The following PSMD9 variants were observed in gnomAD, a reference collection of about 807,000 sequenced individuals.
PSMD9 encodes the protein proteasome 26S subunit, non-ATPase 9, also known as 26S proteasome non-ATPase regulatory subunit 9.
In PSMD9, 26 loss-of-function variants were observed where a neutral mutation model predicts 25.9. The observed-to-expected ratio is 1.00, with a 90% CI of 0.73 to 1.39. The LOEUF (loss-of-function observed/expected upper bound fraction) is 1.39. Ranked by LOEUF, PSMD9 falls within the 40% of genes most tolerant of loss-of-function variation. The pLI is 0.00. For synonymous variants in PSMD9, 110 were observed against 114.5 expected, an observed-to-expected ratio of 0.96 and a Z score of 0.25; for missense variants, 303 against 299.3, an observed-to-expected ratio of 1.01 and a Z score of -0.09.
chr12:121,892,844 T>A (rs1379398726), intron 1 of PSMD9, among the ~76,000 whole-genome samples: 1 of 152,128 alleles, frequency 6.6e-6, no homozygotes, highest in Non-Finnish European at 1.5e-5. Flanking sequence ...CTGCACCCGA[T>A]CCTGGGCAAC....
intron 4 of PSMD9, among the ~76,000 whole-genome samples, chr12:121,906,648 CAAAA>C (rs11289150): frequency 7.0e-6 from 1 of 142,078 alleles, no homozygotes. Flanking sequence ...ACTAAAAATA[CAAAA>C]AAAAAAAAAA....
chr12:121,893,201 G>A (rs1266903620), intron 1 of PSMD9, among the ~76,000 whole-genome samples: 1 of 152,218 alleles, frequency 6.6e-6, no homozygotes, highest in African/African-American at 2.4e-5. Context: ...ACCACTGTGG[G>A]AAGGCAGGAG....
intron 3 of PSMD9, among the ~76,000 whole-genome samples, chr12:121,901,198 C>T (rs1879385839): frequency 6.6e-6 from 1 of 152,074 alleles, no homozygotes; most frequent in South Asian, 2.1e-4. Context: ...TCCCAATCCC[C>T]CAGCTCCCCG....
chr12:121,912,944 T>C lies in PSMD9; in HGVS notation c.556-2912T>C, dbSNP rs187624488. 1.3e-3 allele frequency among the ~76,000 whole-genome samples: 197 copies of C among 149,862 alleles called. 2 individuals carry two copies. The highest frequency in any genetic ancestry group is 1.0e-2 in the Admixed American group (151 of 15,124). Reference sequence around the variant, plus strand: ...TGCTCATTTTCTTTTCTTTTCTTTTTTTTTTTTTTTGAGACGGAGTCTCGC... The same window carrying C: ...TGCTCATTTTCTTTTCTTTTCTTTTCTTTTTTTTTTGAGACGGAGTCTCGC... On this transcript the variant is annotated intron_variant, in intron 4 of 5. Coordinates refer to ENST00000541212, the MANE Select transcript of PSMD9 (RefSeq NM_002813.7).
At chr12:121,891,686 G>A (rs888714714) in intron 1 of PSMD9, among the ~76,000 whole-genome samples, 16 of 149,200 alleles carry the variant, frequency 1.1e-4, no homozygotes, top group Non-Finnish European at 2.2e-4. Context: ...TGTGTGGATC[G>A]CTTGAGGTCA....
intron 1 of PSMD9, among the ~76,000 whole-genome samples, chr12:121,893,325 C>T (rs955497473): frequency 3.9e-5 from 6 of 152,162 alleles, no homozygotes; most frequent in Non-Finnish European, 8.8e-5. Flanking sequence ...TGGGTGTAAC[C>T]CGGAGGCTTC....
At chr12:121,907,219 G>A (rs1168971740) in intron 4 of PSMD9, among the ~76,000 whole-genome samples, 3 of 150,994 alleles carry the variant, frequency 2.0e-5, no homozygotes, top group Non-Finnish European at 2.9e-5. Flanking sequence ...ACAGGCACCC[G>A]CCACCACGCC....
Position 121,888,804 on chromosome 12 carries a change from C to A in PSMD9, c.-53C>A. 6.4e-7 allele frequency: 1 copy of A among 1,563,710 alleles called. No homozygotes were observed. Among genetic ancestry groups the A allele is most frequent in the Non-Finnish European group, 8.7e-7 (1 of 1,155,046 alleles). ...GAGCCGTAGTTACGGTCGACTGGGG[C>A]GTCGTCCCTAGCCCGGGAGCCGGGT... On this transcript the variant is annotated 5_prime_UTR_variant, in exon 1 of 6. Coordinates refer to ENST00000541212, the MANE Select transcript of PSMD9 (RefSeq NM_002813.7).
In PSMD9 at chr12:121,888,825, C is replaced by T. The variant is rs773746048; in HGVS notation, c.-32C>T. On this transcript the variant is annotated 5_prime_UTR_variant, in exon 1 of 6. Coordinates refer to ENST00000541212, the MANE Select transcript of PSMD9 (RefSeq NM_002813.7). ...GGGGCGTCGTCCCTAGCCCGGGAGC[C>T]GGGTCTCTGGAGTCGCGGCCCGGGG... is the stretch of plus-strand genomic sequence containing the variant. 24 of 1,589,538 alleles carry T rather than the reference C, an allele frequency of 1.5e-5. No individual in the cohort carries two copies. Among genetic ancestry groups the T allele is most frequent in the East Asian group, 2.3e-5 (1 of 43,950 alleles).
intron 1 of PSMD9, 96 bp downstream of exon 1, chr12:121,889,090 A>G: frequency 6.8e-7 from 1 of 1,465,116 alleles, no homozygotes. Flanking sequence ...GGCGCTCCGC[A>G]ACGGATCTCC....
chr12:121,894,704 C>T (rs751692213), intron 1 of PSMD9, 35 bp from the exon 2 acceptor site: 2 of 1,572,858 alleles, frequency 1.3e-6, no homozygotes. Context: ...ACATTACACC[C>T]ATGAGCACCT....
chr12:121,890,186 G>T (rs906835971), intron 1 of PSMD9, among the ~76,000 whole-genome samples: 1 of 152,130 alleles, frequency 6.6e-6, no homozygotes, highest in Non-Finnish European at 1.5e-5. Context: ...CCAAGTGCTG[G>T]GATTACAGGC....
intron 1 of PSMD9, among the ~76,000 whole-genome samples, chr12:121,893,544 A>C (rs1021450012): frequency 1.3e-5 from 2 of 152,218 alleles, no homozygotes; most frequent in Non-Finnish European, 2.9e-5. Context: ...GTCTGAAATC[A>C]AGGTGTCAGC....
intron 2 of PSMD9, among the ~76,000 whole-genome samples, chr12:121,895,547 C>T (rs1415752500): frequency 6.6e-6 from 1 of 152,132 alleles, no homozygotes; most frequent in East Asian, 1.9e-4. Flanking sequence ...AGGGCTGGCT[C>T]CTTCTGGAGG....
At chr12:121,890,272 T>C (rs1879028820) in intron 1 of PSMD9, among the ~76,000 whole-genome samples, 1 of 152,132 alleles carries the variant, frequency 6.6e-6, no homozygotes. Context: ...GTGCTGACTA[T>C]ATGCTCAAAG....
intron 1 of PSMD9, among the ~76,000 whole-genome samples, chr12:121,892,876 A>G (rs1171413566): frequency 6.6e-6 from 1 of 152,144 alleles, no homozygotes; most frequent in South Asian, 2.1e-4. Context: ...TCTCAAACCA[A>G]TACAAACACA....
At chr12:121,894,898 A>G in intron 2 of PSMD9, 57 bp downstream of exon 2, 3 of 1,439,768 alleles carry the variant, frequency 2.1e-6, no homozygotes, top group Non-Finnish European at 2.9e-6. Flanking sequence ...TGTTAAAGGC[A>G]TACAAATAAA....
rs1269006481 is a variant in PSMD9, at chr12:121,917,847, A to T, written c.*1536A>T. The T allele has an allele frequency of 6.6e-6, 1 of 152,266 alleles. No individual in the cohort carries two copies. Among genetic ancestry groups the T allele is most frequent in the Non-Finnish European group, 1.5e-5 (1 of 68,046 alleles). The allele number at this position is 152,266 out of a possible 1,614,324, so 9.4% of individuals were successfully genotyped here. A position where few individuals can be genotyped will look rare whatever the true frequency, so the allele number is the denominator to read the frequency against. On this transcript the variant is annotated 3_prime_UTR_variant, in exon 6 of 6. Transcript: ENST00000541212. ...TTTATAAAGTCTCAGACTATAATAA[A>T]CACAGCTTGCCCAGTTTATCCTTTC...
chr12:121,908,482 A>G (rs751138551), intron 4 of PSMD9, among the ~76,000 whole-genome samples: 6 of 152,116 alleles, frequency 3.9e-5, no homozygotes, highest in Non-Finnish European at 7.4e-5. Flanking sequence ...CCTGGCCCCA[A>G]AATAATTTTT....
Sources: allele counts gnomAD v4.1 joint callset (sites outside exome capture counted in the v4.1 genomes callset), GRCh38; gene constraint gnomAD v4.1.1; transcripts MANE v1.5; gene names NCBI Gene and HGNC (gene_info 2026-07-23, HGNC 2026-07-21).